IQCM: variants seen among roughly 807,000 people sequenced by gnomAD.
IQCM encodes the protein IQ domain-containing protein M.
IQCM carries 45 observed loss-of-function variants against 57.6 expected under a neutral mutation model. The observed-to-expected ratio is 0.78, with a 90% CI of 0.62 to 1.00. The LOEUF (loss-of-function observed/expected upper bound fraction) is 1.00, where lower values mean the gene tolerates loss of function less well. Among genes scored for constraint, IQCM ranks in the 50% least tolerant of loss-of-function variants. IQCM has a pLI of 0.00. For missense variants in IQCM, 468 were observed against 511.6 expected (o/e 0.91, Z 0.82); for synonymous variants, 148 against 158.9 (o/e 0.93, Z 0.51).
intron 13 of IQCM, among the ~76,000 whole-genome samples, chr4:149,357,005 C>T (rs1248395881): frequency 6.6e-6 from 1 of 152,158 alleles, no homozygotes; most frequent in Non-Finnish European, 1.5e-5. Flanking sequence ...CTCTTTGAAG[C>T]AATTGTGAAT....
intron 5 of IQCM, among the ~76,000 whole-genome samples, chr4:149,703,662 T>C (rs1019991174): frequency 2.6e-5 from 4 of 151,948 alleles, no homozygotes; most frequent in African/African-American, 9.7e-5. Context: ...AAATACATGG[T>C]CTGAGCCATC....
intron 7 of IQCM, among the ~76,000 whole-genome samples, chr4:149,631,959 T>G (rs1316249674): frequency 1.3e-5 from 2 of 152,220 alleles, no homozygotes; most frequent in Non-Finnish European, 2.9e-5. Context: ...TGGCTCAAAC[T>G]CTACCCAGTT....
intron 12 of IQCM, among the ~76,000 whole-genome samples, chr4:149,439,642 T>G (rs1735710732): frequency 6.6e-6 from 1 of 152,052 alleles, no homozygotes; most frequent in South Asian, 2.1e-4. Context: ...GTGATTAATT[T>G]TAAGTACTCT....
intron 12 of IQCM, among the ~76,000 whole-genome samples, chr4:149,543,418 C>T (rs1476592050): frequency 6.6e-6 from 1 of 151,924 alleles, no homozygotes; most frequent in Admixed American, 6.6e-5. Flanking sequence ...TCCATGTGTT[C>T]TCATTGTTCA....
Position 149,733,345 on chromosome 4 carries a change from T to C in IQCM, c.284A>G (p.Lys95Arg). The change falls in exon 5 of 14, where the codon AAA (lysine) becomes AGA (arginine). Residue 95 changes from lysine (K) to arginine (R), a missense_variant. Coordinates refer to ENST00000636793, the MANE Select transcript of IQCM (RefSeq NM_001363507.2). ...TGGGGGTTCCTGAAGATGCTCGCTT[T>C]TGGAAAGCTCCTTGGGAAAGCAAAT... ...RRICFPKELS[K>R]SEHLQEPPQR... is the part of the protein sequence containing the mutation. The C allele has an allele frequency of 6.5e-6, 8 of 1,231,846 alleles. No homozygotes were observed. The highest frequency in any genetic ancestry group is 8.1e-6 in the Non-Finnish European group (8 of 987,770). The allele number at this position is 1,231,846 out of a possible 1,614,324, so 76.3% of individuals were successfully genotyped here. A position where few individuals can be genotyped will look rare whatever the true frequency, so the allele number is the denominator to read the frequency against.
Position 149,753,952 on chromosome 4 carries a change from T to C in IQCM, c.-48-11213A>G, listed in dbSNP as rs577069352. ...AATAAATCCACACCCAGACACTTCC[T>C]AGTGAGTATCAGAAATGAAGAAAAA... On this transcript the variant is annotated intron_variant, in intron 2 of 13. Coordinates refer to ENST00000636793, the MANE Select transcript of IQCM (RefSeq NM_001363507.2). Among the ~76,000 whole-genome samples, 120 of 152,150 alleles carry C rather than the reference T, an allele frequency of 7.9e-4. No homozygotes were observed. In the South Asian group the frequency reaches 8.3e-3, roughly 11 times the overall value.
chr4:149,753,218 T>C (rs369286505), intron 2 of IQCM, among the ~76,000 whole-genome samples: 15 of 151,892 alleles, frequency 9.9e-5, no homozygotes, highest in African/African-American at 3.4e-4. Context: ...AGATCAACAA[T>C]TGGAATAGTA....
chr4:149,528,764 A>G (rs1746434604), intron 12 of IQCM, among the ~76,000 whole-genome samples: 1 of 152,162 alleles, frequency 6.6e-6, no homozygotes, highest in Non-Finnish European at 1.5e-5. Flanking sequence ...TTAAATGCTC[A>G]GTAGATGGTA....
intron 9 of IQCM, among the ~76,000 whole-genome samples, chr4:149,578,818 C>T (rs781182544): frequency 9.9e-5 from 15 of 151,910 alleles, no homozygotes; most frequent in Non-Finnish European, 1.8e-4. Context: ...GACCCCCAAG[C>T]GGGAACACAC....
intron 13 of IQCM, among the ~76,000 whole-genome samples, chr4:149,427,494 A>T (rs533037987): frequency 1.3e-5 from 2 of 151,954 alleles, no homozygotes; most frequent in Non-Finnish European, 2.9e-5. Flanking sequence ...GAGGTAGGAG[A>T]CACAGCTCTG....
At chr4:149,479,290 G>A (rs1172422412) in intron 12 of IQCM, among the ~76,000 whole-genome samples, 2 of 152,038 alleles carry the variant, frequency 1.3e-5, no homozygotes, top group Non-Finnish European at 2.9e-5. Flanking sequence ...GGTATACAGA[G>A]GGAAAAACAC....
intron 12 of IQCM, among the ~76,000 whole-genome samples, chr4:149,446,343 T>G (rs1366583781): frequency 6.6e-6 from 1 of 151,746 alleles, no homozygotes; most frequent in Non-Finnish European, 1.5e-5. Context: ...ATGAAATAAT[T>G]GAATCCATGA....
intron 13 of IQCM, among the ~76,000 whole-genome samples, chr4:149,417,410 G>T (rs1028698697): frequency 5.3e-5 from 8 of 152,018 alleles, no homozygotes; most frequent in African/African-American, 1.9e-4. Flanking sequence ...TACAGTTTAC[G>T]TGCCAGGAGG....
intron 3 of IQCM, among the ~76,000 whole-genome samples, chr4:149,735,761 G>A (rs961436487): frequency 2.0e-5 from 3 of 152,074 alleles, no homozygotes; most frequent in Admixed American, 1.3e-4. Flanking sequence ...TAACAAGTCT[G>A]TGTTTTCCAT....
At chr4:149,432,735 A>T (rs2111271050) in intron 13 of IQCM, among the ~76,000 whole-genome samples, 1 of 152,146 alleles carries the variant, frequency 6.6e-6, no homozygotes, top group Admixed American at 6.6e-5. Flanking sequence ...AAGCATATAT[A>T]GGTTAAATTA....
At chr4:149,649,174 C>T (rs979585407) in intron 7 of IQCM, among the ~76,000 whole-genome samples, 15 of 151,884 alleles carry the variant, frequency 9.9e-5, no homozygotes, top group African/African-American at 3.4e-4. Flanking sequence ...ATCCTCCCAC[C>T]CCACCTGTTC....
intron 5 of IQCM, among the ~76,000 whole-genome samples, chr4:149,729,476 GT>G (rs931707531): frequency 1.4e-5 from 2 of 146,464 alleles, no homozygotes; most frequent in Non-Finnish European, 3.0e-5. Flanking sequence ...TTTTTTTGTT[GT>G]TTTTTTTACC....
At chr4:149,385,997 T>C (rs758620245) in intron 13 of IQCM, among the ~76,000 whole-genome samples, 1 of 152,120 alleles carries the variant, frequency 6.6e-6, no homozygotes, top group African/African-American at 2.4e-5. Flanking sequence ...CATAGTGATC[T>C]AGTCAGCTCT....
At chr4:149,435,001 G>C (rs889348487) in intron 12 of IQCM, among the ~76,000 whole-genome samples, 1 of 152,072 alleles carries the variant, frequency 6.6e-6, no homozygotes, top group Non-Finnish European at 1.5e-5. Flanking sequence ...TGCCAGCTCC[G>C]TGTACTCCAC....
Sources: gnomAD v4.1 joint callset for allele counts (sites outside exome capture counted in the v4.1 genomes callset) on GRCh38, gnomAD v4.1.1 for gene constraint, MANE v1.5 for transcripts, NCBI Gene and HGNC (gene_info 2026-07-23, HGNC 2026-07-21) for gene names.